GPAT3: variants seen among roughly 807,000 people sequenced by gnomAD.
GPAT3 encodes the protein 1-AGP acyltransferase 9.
In GPAT3, 53 loss-of-function variants were observed where a neutral mutation model predicts 58.8. The observed-to-expected ratio is 0.90, with a 90% CI of 0.72 to 1.13. The LOEUF is 1.13. GPAT3 is among the 50% of genes most tolerant of loss of function. The probability of loss-of-function intolerance (pLI) is 0.00; values close to 1 mark genes in which losing one functional copy is unlikely to be tolerated. For missense variants in GPAT3, 511 were observed against 527.6 expected (o/e 0.97, Z 0.31); for synonymous variants, 197 against 187.4 (o/e 1.05, Z -0.42).
At position 83,584,116 on chromosome 4, in the gene GPAT3, G is replaced by T. The variant is rs1726274290; in HGVS notation, c.479+2284G>T. 2.0e-5 allele frequency among the ~76,000 whole-genome samples: 3 copies of T among 152,178 alleles called. No homozygotes were observed. The South Asian group carries it at 6.2e-4, about 31-fold the overall frequency. ...CTTGAGATGCCCTTGTTTGTTGTTG[G>T]TTAGCTTTCACCATGCTGTGGGGGC... On this transcript the variant is annotated intron_variant, in intron 3 of 11. Transcript: ENST00000264409.
At chr4:83,578,925 C>CT (rs1437250308) in intron 2 of GPAT3, among the ~76,000 whole-genome samples, 4 of 13,716 alleles carry the variant, frequency 2.9e-4, no homozygotes, top group African/African-American at 7.8e-4. Flanking sequence ...TTTTTCTTTT[C>CT]TTTCTTTCTT....
At position 83,565,309 on chromosome 4, in the gene GPAT3, C is replaced by T. The variant is rs910016439; in HGVS notation, c.209-16253C>T. On this transcript the variant is annotated intron_variant, in intron 2 of 11. Coordinates refer to ENST00000264409, the MANE Select transcript of GPAT3 (RefSeq NM_032717.5). ...AGAGATGGGGTTTCACCATGTTGAC[C>T]GGGCTGGTCTCGAACTCCTGACCTC... 1.6e-3 allele frequency among the ~76,000 whole-genome samples: 238 copies of T among 151,774 alleles called. 1 individual carries two copies. Among genetic ancestry groups the T allele is most frequent in the African/African-American group, 5.5e-3 (227 of 41,378 alleles).
intron 2 of GPAT3, among the ~76,000 whole-genome samples, chr4:83,573,073 T>G (rs1232936422): frequency 2.0e-5 from 3 of 152,238 alleles, no homozygotes; most frequent in Non-Finnish European, 2.9e-5. Flanking sequence ...CAGTTGTATA[T>G]TCCTGGGATC....
chr4:83,590,109 C>T (rs1418593144), intron 5 of GPAT3, 90 bp from the exon 6 acceptor site: 104 of 969,896 alleles, frequency 1.1e-4, no homozygotes, highest in Admixed American at 1.7e-4. Flanking sequence ...TACATATATA[C>T]ACACACACAC....
At chr4:83,566,843 T>C (rs1725413826) in intron 2 of GPAT3, among the ~76,000 whole-genome samples, 3 of 151,826 alleles carry the variant, frequency 2.0e-5, no homozygotes, top group African/African-American at 7.3e-5. Flanking sequence ...CCTTAAGAGA[T>C]GTTCTAAAAT....
chr4:83,548,770 G>T (rs1292033276), intron 2 of GPAT3, among the ~76,000 whole-genome samples: 1 of 152,156 alleles, frequency 6.6e-6, no homozygotes, highest in Non-Finnish European at 1.5e-5. Flanking sequence ...TTTAGCCCCT[G>T]TGCTAAATTT....
intron 1 of GPAT3, among the ~76,000 whole-genome samples, chr4:83,541,325 A>G (rs1283972531): frequency 6.6e-6 from 1 of 150,462 alleles, no homozygotes; most frequent in East Asian, 2.0e-4. Context: ...CGACCTCCTG[A>G]GCTCAAGCAA....
chr4:83,578,947 CTTTTCTT>C (rs1187053506), intron 2 of GPAT3, among the ~76,000 whole-genome samples: 5 of 25,738 alleles, frequency 1.9e-4, no homozygotes, highest in Admixed American at 6.0e-4. Flanking sequence ...CTTTTCTTTT[CTTTTCTT>C]TCTTTCTTTC....
chr4:83,546,842 C>T (rs1484539401), intron 2 of GPAT3, among the ~76,000 whole-genome samples: 1 of 152,062 alleles, frequency 6.6e-6, no homozygotes, highest in Non-Finnish European at 1.5e-5. Context: ...TCTGCTAATC[C>T]CACAGCTGTG....
intron 10 of GPAT3, chr4:83,598,422 A>G: frequency 1.4e-6 from 1 of 694,166 alleles, no homozygotes; most frequent in Admixed American, 3.1e-5. Context: ...GGTAAGACTA[A>G]TAAAGAGCGT....
intron 6 of GPAT3, among the ~76,000 whole-genome samples, chr4:83,592,292 G>A (rs913783326): frequency 1.3e-5 from 2 of 152,152 alleles, no homozygotes; most frequent in African/African-American, 4.8e-5. Context: ...AAACTGTCCA[G>A]TGGGTTGAGT....
chr4:83,587,616 C>T (rs573540574), intron 4 of GPAT3, among the ~76,000 whole-genome samples: 14 of 152,076 alleles, frequency 9.2e-5, no homozygotes, highest in African/African-American at 1.4e-4. Context: ...TTAGTAGAGA[C>T]GGGGTTTCAC....
chr4:83,590,255 A>G lies in GPAT3; in HGVS notation c.701A>G (p.Asp234Gly). 6.2e-7 allele frequency: 1 copy of G among 1,613,878 alleles called. No homozygotes were observed. The highest frequency in any genetic ancestry group is 1.1e-5 in the South Asian group (1 of 91,084). Reference protein sequence around the residue: ...ICVANHTSPIDVLILTTDGCY... With the variant: ...ICVANHTSPIGVLILTTDGCY... ...GTTGCCAACCATACTTCCCCCATTG[A>G]TGTTTTAATCTTGACAACGGATGGA... Residue 234 changes from aspartate to glycine, a missense_variant, in exon 6 of 12, where the codon GAT (aspartate) becomes GGT (glycine). Physicochemically the swap from Asp to Gly is moderately conservative, Grantham distance 94. Transcript: ENST00000264409.
Position 83,598,621 on chromosome 4 carries a change from AATT to A in GPAT3, c.1126-22_1126-20del. The A allele has an allele frequency of 6.8e-7, 1 of 1,468,918 alleles. No homozygotes were observed. The highest frequency in any genetic ancestry group is 9.4e-7 in the Non-Finnish European group (1 of 1,064,094). The allele number at this position is 1,468,918 out of a possible 1,614,324, so 91.0% of individuals were successfully genotyped here. ...AACTCGATAACTAAGATATTCTTGC[AATT>A]TTTTTTTTTTTTAAACCAGGAAGGA... On this transcript the variant is annotated intron_variant, in intron 10 of 11. Transcript: ENST00000264409.
chr4:83,578,269 T>G (rs1198836048), intron 2 of GPAT3, among the ~76,000 whole-genome samples: 1 of 152,234 alleles, frequency 6.6e-6, no homozygotes, highest in African/African-American at 2.4e-5. Flanking sequence ...TCTTAATATA[T>G]TCTGGAAATT....
chr4:83,567,070 T>A (rs906127391), intron 2 of GPAT3, among the ~76,000 whole-genome samples: 6 of 152,238 alleles, frequency 3.9e-5, no homozygotes, highest in Non-Finnish European at 7.3e-5. Context: ...AATTATTTTA[T>A]CTTCAGATAT....
In GPAT3 at chr4:83,598,751, CTTTTTTTTTTTTTTTT is replaced by C. The variant is rs70965361; in HGVS notation, c.1205+49_1205+64del. ...AAGAGAACTTTCAGAAGTACTATCA[CTTTTTTTTTTTTTTTT>C]TTTTTTTTTTTTTTTTTTTTAGAGA... On this transcript the variant is annotated intron_variant, in intron 11 of 11. Transcript: ENST00000264409. 1.2e-3 allele frequency: 176 copies of C among 152,452 alleles called. 2 individuals are homozygous for C. Among genetic ancestry groups the C allele is most frequent in the Non-Finnish European group, 1.6e-3 (134 of 81,500 alleles). 9.4% of individuals were successfully genotyped at this position (152,452 alleles called of 1,614,324 possible). A position where few individuals can be genotyped will look rare whatever the true frequency, so the allele number is the denominator to read the frequency against.
At chr4:83,589,527 T>C (rs559763100) in intron 5 of GPAT3, among the ~76,000 whole-genome samples, 1 of 152,344 alleles carries the variant, frequency 6.6e-6, no homozygotes, top group African/African-American at 2.4e-5. Context: ...ATTTGCTGTC[T>C]GGCCCTTGAT....
chr4:83,581,884 T>C, intron 3 of GPAT3, 52 bp downstream of exon 3: 1 of 1,559,572 alleles, frequency 6.4e-7, no homozygotes, highest in East Asian at 2.3e-5. Context: ...GCTTTCTTTT[T>C]GAATCATGTA....
Sources: allele counts gnomAD v4.1 joint callset (sites outside exome capture counted in the v4.1 genomes callset), GRCh38; gene constraint gnomAD v4.1.1; transcripts MANE v1.5; gene names NCBI Gene and HGNC (gene_info 2026-07-23, HGNC 2026-07-21).